CPVL: variants seen among roughly 807,000 people sequenced by gnomAD.
CPVL encodes probable serine carboxypeptidase CPVL.
In CPVL, 51 loss-of-function variants were observed where a neutral mutation model predicts 63.7. The observed-to-expected ratio is 0.80, with a 90% CI of 0.64 to 1.01. The LOEUF is 1.01. Among genes scored for constraint, CPVL ranks in the 50% least tolerant of loss-of-function variants. The pLI, the probability that CPVL is intolerant of heterozygous loss-of-function variation, is 0.00. For missense variants in CPVL, 530 were observed against 573.1 expected, an observed-to-expected ratio of 0.92 and a Z score of 0.77; for synonymous variants, 195 against 206.0, an observed-to-expected ratio of 0.95 and a Z score of 0.46.
In CPVL at chr7:29,055,799, T is replaced by G. The variant is rs562367674; in HGVS notation, c.1137+8262A>C. 6.6e-5 allele frequency among the ~76,000 whole-genome samples: 10 copies of G among 152,326 alleles called. No homozygotes were observed. The South Asian group carries it at 1.7e-3, about 25-fold the overall frequency. On this transcript the variant is annotated intron_variant, in intron 11 of 12. Coordinates refer to ENST00000265394, the MANE Select transcript of CPVL (RefSeq NM_031311.5). The stretch of plus-strand genomic sequence containing the variant: ...TTCTCTGCCTTTTGTTTTTCTGGTG[T>G]TGTTTTTGTTTTCAGATCCACTTTC...
At chr7:28,998,513 G>A (rs944087988) in intron 12 of CPVL, among the ~76,000 whole-genome samples, 4 of 152,206 alleles carry the variant, frequency 2.6e-5, no homozygotes, top group Non-Finnish European at 5.9e-5. Flanking sequence ...TTACAATTGG[G>A]AAACAAGTAT....
At chr7:29,006,371 C>T (rs1214677838) in intron 12 of CPVL, among the ~76,000 whole-genome samples, 1 of 152,182 alleles carries the variant, frequency 6.6e-6, no homozygotes, top group Non-Finnish European at 1.5e-5. Context: ...ATCCACCTAT[C>T]GTAAATTACA....
chr7:29,171,036 T>C (rs1796536497), intron 5 of CPVL, among the ~76,000 whole-genome samples: 1 of 152,132 alleles, frequency 6.6e-6, no homozygotes, highest in African/African-American at 2.4e-5. Flanking sequence ...AGCCAAACCA[T>C]ATCACTTACA....
chr7:29,096,299 CCT>C, intron 3 of CPVL, 82 bp from the exon 4 acceptor site: 1 of 1,101,956 alleles, frequency 9.1e-7, no homozygotes, highest in Non-Finnish European at 1.4e-6. Context: ...TTACCCAAAT[CCT>C]CTCTGTGTTA....
chr7:29,165,430 GT>G (rs1384524326), intron 5 of CPVL, among the ~76,000 whole-genome samples: 1 of 151,838 alleles, frequency 6.6e-6, no homozygotes, highest in African/African-American at 2.4e-5. Flanking sequence ...GTGTGTGTAG[GT>G]TTCTTAGATT....
intron 11 of CPVL, among the ~76,000 whole-genome samples, chr7:29,034,853 GAAA>G (rs60558791): frequency 0.016 from 2,018 of 123,968 alleles, 50 homozygotes; most frequent in African/African-American, 0.056. Flanking sequence ...TTTTATAATG[GAAA>G]AAAAAAAAAA....
At chr7:29,045,918 A>G (rs971177091) in intron 11 of CPVL, among the ~76,000 whole-genome samples, 4 of 152,182 alleles carry the variant, frequency 2.6e-5, no homozygotes, top group African/African-American at 9.7e-5. Flanking sequence ...GGATAAGTAA[A>G]TAGAACTCTA....
chr7:29,172,050 C>G (rs1796674197), intron 5 of CPVL, among the ~76,000 whole-genome samples: 1 of 152,174 alleles, frequency 6.6e-6, no homozygotes, highest in African/African-American at 2.4e-5. Flanking sequence ...GCCCCCTAGT[C>G]AGCCAGATGG....
chr7:29,004,387 T>C (rs1784965197), intron 12 of CPVL, among the ~76,000 whole-genome samples: 1 of 151,404 alleles, frequency 6.6e-6, no homozygotes, highest in African/African-American at 2.4e-5. Context: ...CCAGATCAGT[T>C]AGACGTGCTT....
intron 1 of CPVL, among the ~76,000 whole-genome samples, chr7:29,140,756 G>A (rs1220358182): frequency 6.6e-6 from 1 of 152,058 alleles, no homozygotes; most frequent in Non-Finnish European, 1.5e-5. Flanking sequence ...GACTCCCCAG[G>A]GAAGGAAAAT....
At chr7:29,015,702 G>A (rs1192405914) in intron 12 of CPVL, among the ~76,000 whole-genome samples, 1 of 152,104 alleles carries the variant, frequency 6.6e-6, no homozygotes, top group African/African-American at 2.4e-5. Context: ...GACTAATACA[G>A]CGGGGCATGT....
At chr7:29,027,368 C>T (rs1472239573) in intron 12 of CPVL, among the ~76,000 whole-genome samples, 1 of 151,778 alleles carries the variant, frequency 6.6e-6, no homozygotes, top group Admixed American at 6.6e-5. Flanking sequence ...CAACAAACAT[C>T]ATCATACTGA....
intron 1 of CPVL, among the ~76,000 whole-genome samples, chr7:29,140,451 G>A (rs1791753196): frequency 6.6e-6 from 1 of 152,140 alleles, no homozygotes; most frequent in Non-Finnish European, 1.5e-5. Flanking sequence ...CACCTTCAAG[G>A]AGCCCTCATT....
At chr7:29,102,869 CA>C (rs1406797589) in intron 3 of CPVL, among the ~76,000 whole-genome samples, 2 of 152,302 alleles carry the variant, frequency 1.3e-5, no homozygotes, top group Middle Eastern at 6.8e-3. Context: ...CACAATTTCT[CA>C]CATTAGCAAA....
chr7:29,061,988 C>T (rs1326480360), intron 11 of CPVL, among the ~76,000 whole-genome samples: 1 of 151,576 alleles, frequency 6.6e-6, no homozygotes, highest in Non-Finnish European at 1.5e-5. Flanking sequence ...ATATATCTCC[C>T]AAGGGCACAA....
intron 12 of CPVL, among the ~76,000 whole-genome samples, chr7:29,015,954 G>A (rs1421503788): frequency 1.3e-5 from 2 of 152,176 alleles, no homozygotes; most frequent in African/African-American, 2.4e-5. Flanking sequence ...GATTAAAAAA[G>A]TGTGTGGTAG....
At chr7:28,999,184 C>T (rs139642091) in intron 12 of CPVL, among the ~76,000 whole-genome samples, 1,528 of 152,300 alleles carry the variant, frequency 0.01, 16 homozygotes, top group Non-Finnish European at 0.015. Context: ...TGCACTCCAG[C>T]CTGGGCGACA....
intron 9 of CPVL, among the ~76,000 whole-genome samples, chr7:29,066,760 C>T (rs1783173625): frequency 6.6e-6 from 1 of 152,142 alleles, no homozygotes; most frequent in Non-Finnish European, 1.5e-5. Context: ...TATCTTTGGG[C>T]TGACATTAAA....
intron 12 of CPVL, among the ~76,000 whole-genome samples, chr7:29,000,624 G>C (rs1038709740): frequency 6.6e-6 from 1 of 152,232 alleles, no homozygotes; most frequent in African/African-American, 2.4e-5. Context: ...GCAAACGCTA[G>C]TGGGACCATG....
Sources: gnomAD v4.1 joint callset for allele counts (sites outside exome capture counted in the v4.1 genomes callset) on GRCh38, gnomAD v4.1.1 for gene constraint, MANE v1.5 for transcripts, NCBI Gene and HGNC (gene_info 2026-07-23, HGNC 2026-07-21) for gene names.